Variants in CCDC93 observed in about 807,000 individuals in gnomAD.
CCDC93 encodes coiled-coil domain-containing protein 93.
Under a neutral mutation model 108.2 loss-of-function variants are expected in CCDC93, and 61 were observed. The observed-to-expected ratio is 0.56, with a 90% CI of 0.46 to 0.70. CCDC93 has a LOEUF of 0.70. Among genes scored for constraint, CCDC93 ranks in the 30% least tolerant of loss-of-function variants. The pLI is 0.00. For synonymous variants in CCDC93, 276 were observed against 260.4 expected, an observed-to-expected ratio of 1.06 and a Z score of -0.58; for missense variants, 685 against 764.2, an observed-to-expected ratio of 0.90 and a Z score of 1.22.
chr2:117,985,636 A>G (rs1220318298), intron 7 of CCDC93: 1 of 154,138 alleles, frequency 6.5e-6, no homozygotes, highest in East Asian at 1.9e-4. Context: ...TTATTCTAAC[A>G]CTTAAAGTGA....
intron 12 of CCDC93, among the ~76,000 whole-genome samples, chr2:117,957,686 C>T (rs1436243737): frequency 6.6e-6 from 1 of 152,184 alleles, no homozygotes; most frequent in Non-Finnish European, 1.5e-5. Flanking sequence ...TTCATGACTC[C>T]CTGGCCACAA....
At chr2:118,013,380 C>T (rs1450847306) in intron 1 of CCDC93, among the ~76,000 whole-genome samples, 1 of 152,250 alleles carries the variant, frequency 6.6e-6, no homozygotes. Context: ...AGCGGGACAC[C>T]TCCCTGGTGC....
At chr2:117,929,749 G>C (rs985059417) in intron 23 of CCDC93, among the ~76,000 whole-genome samples, 3 of 152,196 alleles carry the variant, frequency 2.0e-5, no homozygotes, top group Admixed American at 6.5e-5. Flanking sequence ...GCTGCAGCCT[G>C]TGCTAGCCTC....
In CCDC93 at chr2:117,941,294, G is replaced by A. The variant is rs775146748; in HGVS notation, c.1417C>T (p.Arg473Ter). 2 of 1,612,310 alleles carry A rather than the reference G, an allele frequency of 1.2e-6. No individual in the cohort carries two copies. Among genetic ancestry groups the A allele is most frequent in the Non-Finnish European group, 8.5e-7 (1 of 1,178,470 alleles). The change falls in exon 19 of 24, where the codon CGA (arginine) becomes TGA (stop). Residue 473 changes from arginine to a stop codon, truncating the protein, a stop_gained. Coordinates refer to ENST00000376300, the MANE Select transcript of CCDC93 (RefSeq NM_019044.5). LOFTEE classifies it high-confidence loss of function. ...AAAATTGCTATTTCTCGATTTCTTC[G>A]AGCCTAAATGCAAAAGGGAGACAGA... is the stretch of plus-strand genomic sequence containing the variant. ...KLYKIRLLQA[R>*]RNREIAILHR...
chr2:117,953,372 A>C (rs1051180840), intron 12 of CCDC93, among the ~76,000 whole-genome samples: 1 of 152,172 alleles, frequency 6.6e-6, no homozygotes, highest in African/African-American at 2.4e-5. Context: ...GCTGAGAGCA[A>C]TGTGATAAAG....
rs1305237881 is a variant in CCDC93, at chr2:117,945,536, G to A, written c.1343C>T (p.Thr448Ile). 11 of 1,613,818 alleles carry A rather than the reference G, an allele frequency of 6.8e-6. No homozygotes were observed. In the East Asian group the frequency reaches 2.0e-4, roughly 29 times the overall value. The part of the protein sequence containing the change: ...EPPGTLTSAM[T>I]HDEDLDRRYN... The stretch of plus-strand genomic sequence containing the variant: ...GAGCAGGCAGGTACTTACGTCATGA[G>A]TCATTGCAGAGGTCAAGGTACCAGG... The change falls in exon 17 of 24, where the codon ACT becomes ATT. Residue 448 changes from threonine (T) to isoleucine (I), a missense_variant. By Grantham distance (89) the Thr-to-Ile change is moderately conservative. Coordinates refer to ENST00000376300, the MANE Select transcript of CCDC93 (RefSeq NM_019044.5).
At chr2:117,929,997 AG>A (rs1678272669) in intron 23 of CCDC93, among the ~76,000 whole-genome samples, 1 of 152,202 alleles carries the variant, frequency 6.6e-6, no homozygotes, top group Non-Finnish European at 1.5e-5. Flanking sequence ...CTTAAGGAGG[AG>A]GAGGTCTGCG....
chr2:117,941,447 C>T (rs1678697951), intron 18 of CCDC93, 150 bp from the exon 19 acceptor site: 2 of 625,920 alleles, frequency 3.2e-6, no homozygotes, highest in South Asian at 3.8e-5. Context: ...CTTAAAGGTC[C>T]CCATCTCAGA....
chr2:117,935,556 C>T lies in CCDC93; in HGVS notation c.1667G>A (p.Arg556Gln), dbSNP rs138708100. 1.3e-5 allele frequency: 21 copies of T among 1,613,738 alleles called. No homozygotes were observed. The Admixed American group carries it at 2.0e-4, about 15-fold the overall frequency. ...TTCCATCTGACGTAAAAACTGGTCC[C>T]GGGCAGCAGGGGAGGCCATGGCCCT... ...FSQAMASPAA[R>Q]DQFLRQMEQI... Residue 556 changes from arginine to glutamine, a missense_variant, in exon 22 of 24, where the codon CGG (arginine) becomes CAG (glutamine). Physicochemically the swap from Arg to Gln is conservative, Grantham distance 43. Coordinates refer to ENST00000376300, the MANE Select transcript of CCDC93 (RefSeq NM_019044.5).
chr2:117,992,371 G>A (rs189882050), intron 6 of CCDC93, among the ~76,000 whole-genome samples: 3 of 152,136 alleles, frequency 2.0e-5, no homozygotes, highest in Non-Finnish European at 4.4e-5. Context: ...AGCCTCCTGA[G>A]GAGCTGAGAC....
chr2:117,955,684 A>G (rs1428839083), intron 12 of CCDC93, among the ~76,000 whole-genome samples: 2 of 152,216 alleles, frequency 1.3e-5, no homozygotes, highest in Non-Finnish European at 2.9e-5. Context: ...CCCATTCATA[A>G]GGATGCTGTG....
At chr2:117,935,363 C>T in intron 22 of CCDC93, 132 bp downstream of exon 22, 1 of 663,150 alleles carries the variant, frequency 1.5e-6, no homozygotes, top group Non-Finnish European at 2.7e-6. Context: ...GGTGGGAATA[C>T]CTCTGTAGAA....
chr2:117,928,762 A>G (rs1341782665), intron 23 of CCDC93, among the ~76,000 whole-genome samples: 2 of 152,228 alleles, frequency 1.3e-5, no homozygotes, highest in African/African-American at 4.8e-5. Flanking sequence ...ATTACTGGGT[A>G]CATACCCAAA....
chr2:117,944,596 TGAGACATGGCTGGATGAGACATGGTAA>T (rs1423855607), intron 17 of CCDC93: 2 of 385,608 alleles, frequency 5.2e-6, no homozygotes, highest in Admixed American at 3.4e-5. Flanking sequence ...AACCCAGCAA[TGAGACATGGCTGGATGAGACATGGTAA>T]GAGACATGGC....
chr2:117,967,910 C>T (rs193069972), intron 11 of CCDC93, among the ~76,000 whole-genome samples: 13 of 151,976 alleles, frequency 8.6e-5, no homozygotes, highest in South Asian at 2.1e-4. Context: ...GCAGCCTATA[C>T]GAATTAAATG....
rs1676882374 is a variant in CCDC93 at position 118,006,758 on chromosome 2, A to AAT, written c.214_215insAT (p.Leu72TyrfsTer10). 1 of 1,612,666 alleles carries AAT rather than the reference A, an allele frequency of 6.2e-7. No individual in the cohort carries two copies. Among genetic ancestry groups the AAT allele is most frequent in the African/African-American group, 1.3e-5 (1 of 74,912 alleles). The stretch of plus-strand genomic sequence containing the variant: ...TATCGTAGAGTTTTCTTGAAAGAGC[A>AAT]AATCAACATCTACATCAAAGTTGCA... On this transcript the variant is annotated frameshift_variant, in exon 3 of 24. Coordinates refer to ENST00000376300, the MANE Select transcript of CCDC93 (RefSeq NM_019044.5). LOFTEE classifies it high-confidence loss of function.
At chr2:117,947,133 T>C (rs1678899337) in intron 15 of CCDC93, among the ~76,000 whole-genome samples, 1 of 152,212 alleles carries the variant, frequency 6.6e-6, no homozygotes, top group African/African-American at 2.4e-5. Flanking sequence ...CAGTAATCAC[T>C]GGGCATTGAA....
chr2:117,936,978 C>T lies in CCDC93; in HGVS notation c.1606-239G>A. On this transcript the variant is annotated intron_variant, in intron 20 of 23. Transcript: ENST00000376300. ...TCCCTCTTCCTACAGGGCATTCCCA[C>T]AGGAATGTAGGGAGAAGGTGCTTTG... The T allele has an allele frequency of 3.8e-6, 2 of 522,784 alleles. 1 individual carries two copies. The highest frequency in any genetic ancestry group is 6.6e-5 in the East Asian group (2 of 30,080). 32.4% of individuals were successfully genotyped at this position (522,784 alleles called of 1,614,324 possible).
In CCDC93 at chr2:118,014,007, G is replaced by T; in HGVS notation, c.-12C>A. The T allele has an allele frequency of 6.3e-7, 1 of 1,593,908 alleles. No individual in the cohort carries two copies. Among genetic ancestry groups the T allele is most frequent in the Non-Finnish European group, 8.5e-7 (1 of 1,171,716 alleles). ...CTGGGCAACCCCATGATCCGACCGG[G>T]CTGTCGTAAGGCGAGAGCGAAGCCC... On this transcript the variant is annotated 5_prime_UTR_variant, in exon 1 of 24. Coordinates refer to ENST00000376300, the MANE Select transcript of CCDC93 (RefSeq NM_019044.5).
Sources: gnomAD v4.1 joint callset for allele counts (sites outside exome capture counted in the v4.1 genomes callset) on GRCh38, gnomAD v4.1.1 for gene constraint, MANE v1.5 for transcripts, NCBI Gene and HGNC (gene_info 2026-07-23, HGNC 2026-07-21) for gene names.